ABLIM2: variants seen among roughly 807,000 people sequenced by gnomAD.
ABLIM2 encodes actin-binding LIM protein 2.
A neutral mutation model predicts 97.7 loss-of-function variants in ABLIM2; 53 were observed. The observed-to-expected ratio is 0.54, with a 90% confidence interval of 0.44 to 0.68. The LOEUF (loss-of-function observed/expected upper bound fraction) is 0.68, where lower values mean the gene tolerates loss of function less well. Among genes scored for constraint, ABLIM2 ranks in the 30% least tolerant of loss-of-function variants. The pLI is 0.00. For synonymous variants in ABLIM2, 361 were observed against 345.8 expected (o/e 1.04, Z -0.49); for missense variants, 835 against 867.2 (o/e 0.96, Z 0.47).
intron 4 of ABLIM2, among the ~76,000 whole-genome samples, chr4:8,084,547 G>A (rs1282894336): frequency 6.6e-6 from 1 of 152,188 alleles, no homozygotes; most frequent in Non-Finnish European, 1.5e-5. Flanking sequence ...GAAGAGTGGA[G>A]GACCCCAAAG....
At position 8,046,990 on chromosome 4, in the gene ABLIM2, G is replaced by A. The variant is rs1016125324; in HGVS notation, c.823-1749C>T. On this transcript the variant is annotated intron_variant, in intron 8 of 20. Coordinates refer to ENST00000447017, the MANE Select transcript of ABLIM2 (RefSeq NM_001130083.2). This position sits in a 1 kb window ranked among gnomAD's most constrained non-coding sequence, Gnocchi z 4.4. Reference sequence around the variant, plus strand: ...TTCTGCTGTGCAGGCCACCCAGGCCGGGTGCCTTTATCGGGGAAGCCCCAG... The same window carrying A: ...TTCTGCTGTGCAGGCCACCCAGGCCAGGTGCCTTTATCGGGGAAGCCCCAG... Among the ~76,000 whole-genome samples, 25 of 152,316 alleles carry A rather than the reference G, an allele frequency of 1.6e-4. No individual in the cohort carries two copies. Among genetic ancestry groups the A allele is most frequent in the African/African-American group, 5.8e-4 (24 of 41,568 alleles).
intron 1 of ABLIM2, among the ~76,000 whole-genome samples, chr4:8,152,331 A>G (rs919179851): frequency 3.3e-5 from 5 of 151,198 alleles, no homozygotes; most frequent in Non-Finnish European, 7.4e-5. Context: ...TTTACAAATC[A>G]CGTGACACCA....
At position 8,019,077 on chromosome 4, in the gene ABLIM2, C is replaced by T. The variant is rs559352313; in HGVS notation, c.1423+541G>A. On this transcript the variant is annotated intron_variant, in intron 14 of 20. Coordinates refer to ENST00000447017, the MANE Select transcript of ABLIM2 (RefSeq NM_001130083.2). The surrounding 1 kb of genome is among the most constrained non-coding windows in gnomAD (Gnocchi z 4.3). ...CCTGCGCACCTCCCAGGCAGGTTCA[C>T]GTGGAGCAGAGCTGGGCGTCAGCTC... Among the ~76,000 whole-genome samples, 17 of 152,318 alleles carry T rather than the reference C, an allele frequency of 1.1e-4. No homozygotes were observed. Among genetic ancestry groups the T allele is most frequent in the South Asian group, 8.3e-4 (4 of 4,826 alleles).
At position 8,158,528 on chromosome 4, in the gene ABLIM2, C is replaced by T. The variant is rs1716175970; in HGVS notation, c.10+152G>A. 2.0e-5 allele frequency among the ~76,000 whole-genome samples: 3 copies of T among 152,154 alleles called. No homozygotes were observed. The South Asian group carries it at 6.2e-4, about 31-fold the overall frequency. On this transcript the variant is annotated intron_variant, in intron 1 of 20. Transcript: ENST00000447017. ...AGGGCAGAGGGCTGCGCTCTGGCCC[C>T]TCGGGGCTGCAAAATCCTGGAGCAA...
intron 20 of ABLIM2, among the ~76,000 whole-genome samples, chr4:7,978,309 G>C (rs116032308): frequency 0.01 from 1,564 of 152,276 alleles, 42 homozygotes; most frequent in African/African-American, 0.036. Flanking sequence ...GGAGGAAGGA[G>C]GACTAGGGTC....
Position 8,044,540 on chromosome 4 carries a change from C to G in ABLIM2, c.900+624G>C, listed in dbSNP as rs977828187. ...TATTAAATAGAATAATCTCCCATCTCGAATCCCACCACCCAGAGGAAATTT... is the reference window on the plus strand; with the variant it reads ...TATTAAATAGAATAATCTCCCATCTGGAATCCCACCACCCAGAGGAAATTT... On this transcript the variant is annotated intron_variant, in intron 9 of 20. Coordinates refer to ENST00000447017, the MANE Select transcript of ABLIM2 (RefSeq NM_001130083.2). This position sits in a 1 kb window ranked among gnomAD's most constrained non-coding sequence, Gnocchi z 4.4. Among the ~76,000 whole-genome samples, 7 of 151,794 alleles carry G rather than the reference C, an allele frequency of 4.6e-5. No homozygotes were observed. The highest frequency in any genetic ancestry group is 1.7e-4 in the African/African-American group (7 of 41,294).
At chr4:7,969,656 T>G (rs1725984074) in intron 20 of ABLIM2, among the ~76,000 whole-genome samples, 1 of 151,600 alleles carries the variant, frequency 6.6e-6, no homozygotes, top group Admixed American at 6.6e-5. Flanking sequence ...GAGGAGGGAC[T>G]CAGGAAATCC....
At position 8,100,090 on chromosome 4, in the gene ABLIM2, G is replaced by A. The variant is rs568431604; in HGVS notation, c.155-2808C>T. ...CGAGAAACAGGCAGGAGAGGGTGGC[G>A]GCTGGGGGGAAAAGATGAATCAACA... is the stretch of plus-strand genomic sequence containing the variant. On this transcript the variant is annotated intron_variant, in intron 2 of 20. Coordinates refer to ENST00000447017, the MANE Select transcript of ABLIM2 (RefSeq NM_001130083.2). Among the ~76,000 whole-genome samples, 13 of 152,260 alleles carry A rather than the reference G, an allele frequency of 8.5e-5. 1 individual carries two copies. In the South Asian group the frequency reaches 1.7e-3, roughly 19 times the overall value.
rs891081253 is a variant in ABLIM2, at chr4:7,992,623, C to T, written c.1680+243G>A. Among the ~76,000 whole-genome samples, 2 of 152,160 alleles carry T rather than the reference C, an allele frequency of 1.3e-5. No homozygotes were observed. The highest frequency in any genetic ancestry group is 2.9e-5 in the Non-Finnish European group (2 of 68,020). On this transcript the variant is annotated intron_variant, in intron 17 of 20. Coordinates refer to ENST00000447017, the MANE Select transcript of ABLIM2 (RefSeq NM_001130083.2). This position sits in a 1 kb window ranked among gnomAD's most constrained non-coding sequence, Gnocchi z 5.7. Reference sequence around the variant, plus strand: ...CTCCCCTGCTCCCACACACTGAGCTCTCCCTGGGGTCGGGGGCAGGGAGGC... The same window carrying T: ...CTCCCCTGCTCCCACACACTGAGCTTTCCCTGGGGTCGGGGGCAGGGAGGC...
At chr4:8,007,706 T>C in intron 16 of ABLIM2, 3 of 1,049,770 alleles carry the variant, frequency 2.9e-6, no homozygotes, top group Non-Finnish European at 3.4e-6. Flanking sequence ...CATGCCCATG[T>C]CTGCTCTGGA....
rs1743781243 is a variant in ABLIM2 at position 7,986,105 on chromosome 4, A to G, written c.1681-1212T>C. ...CCCCAGCACCTGGAACGGGGTCTCA[A>G]ACGGGGTCAGGGCTCTCGGCCAGTG... On this transcript the variant is annotated intron_variant, in intron 17 of 20. Coordinates refer to ENST00000447017, the MANE Select transcript of ABLIM2 (RefSeq NM_001130083.2). The surrounding 1 kb of genome is among the most constrained non-coding windows in gnomAD (Gnocchi z 4.3). Among the ~76,000 whole-genome samples the G allele has an allele frequency of 1.3e-5, 2 of 152,228 alleles. No homozygotes were observed. The highest frequency in any genetic ancestry group is 2.4e-5 in the African/African-American group (1 of 41,458).
chr4:8,027,842 A>C lies in ABLIM2; in HGVS notation c.1184T>G (p.Val395Gly). Residue 395 changes from valine to glycine, a missense_variant, in exon 12 of 21, where the codon GTG (valine) becomes GGG (glycine). Coordinates refer to ENST00000447017, the MANE Select transcript of ABLIM2 (RefSeq NM_001130083.2). ...CAGGGAGAGGCAGCTACTGGTACCC[A>C]CACTCACAGTACCAGCTACGGGGTA... Reference protein sequence around the residue: ...HYSRPAGTVSVGTSSCLSLSQ... With the variant: ...HYSRPAGTVSGGTSSCLSLSQ... 4 of 1,596,026 alleles carry C rather than the reference A, an allele frequency of 2.5e-6. No individual in the cohort carries two copies. Among genetic ancestry groups the C allele is most frequent in the Non-Finnish European group, 3.4e-6 (4 of 1,172,040 alleles).
intron 1 of ABLIM2, among the ~76,000 whole-genome samples, chr4:8,157,705 G>A (rs1268843026): frequency 2.6e-5 from 4 of 152,270 alleles, no homozygotes; most frequent in African/African-American, 7.2e-5. Flanking sequence ...ATGGCCAAGG[G>A]CCATACTGCA....
rs1774027355 is a variant in ABLIM2, at chr4:8,021,961, C to T, written c.1268-1658G>A. On this transcript the variant is annotated intron_variant, in intron 12 of 20. Coordinates refer to ENST00000447017, the MANE Select transcript of ABLIM2 (RefSeq NM_001130083.2). The surrounding 1 kb of genome is among the most constrained non-coding windows in gnomAD (Gnocchi z 5.5). ...TGGCACCCTTGCTGGTCAGGTCACG[C>T]TCGTCAGGATGCTCCACGGTGGACT... is the stretch of plus-strand genomic sequence containing the variant. Among the ~76,000 whole-genome samples, 1 of 152,162 alleles carries T rather than the reference C, an allele frequency of 6.6e-6. No homozygotes were observed. Among genetic ancestry groups the T allele is most frequent in the South Asian group, 2.1e-4 (1 of 4,828 alleles).
rs898623437 is a variant in ABLIM2 at position 7,966,579 on chromosome 4, G to A, written c.*411C>T. 8 of 175,086 alleles carry A rather than the reference G, an allele frequency of 4.6e-5. No homozygotes were observed. The highest frequency in any genetic ancestry group is 9.7e-5 in the Non-Finnish European group (8 of 82,382). The allele number at this position is 175,086 out of a possible 1,614,324, so 10.8% of individuals were successfully genotyped here. On this transcript the variant is annotated 3_prime_UTR_variant, in exon 21 of 21. Coordinates refer to ENST00000447017, the MANE Select transcript of ABLIM2 (RefSeq NM_001130083.2). The stretch of plus-strand genomic sequence containing the variant: ...GAAGGGCCGTGTGCCCACCCCCGAT[G>A]ATGGTGTCAGCAACCATCATCAACA...
chr4:8,126,744 C>T (rs1848145707), intron 1 of ABLIM2, among the ~76,000 whole-genome samples: 1 of 152,066 alleles, frequency 6.6e-6, no homozygotes, highest in Non-Finnish European at 1.5e-5. Context: ...ATGCCAGAGG[C>T]ACACCCTCCT....
Position 7,967,113 on chromosome 4 carries a change from A to G in ABLIM2, c.1825-10T>C. On this transcript the variant is annotated splice_polypyrimidine_tract_variant and intron_variant, in intron 20 of 20. Transcript: ENST00000447017. ...CGGGCGACAAGTGTCTCTTCAAACA[A>G]AAAGGCAAAACAGAAGGGACCAGTT... The G allele has an allele frequency of 1.9e-6, 3 of 1,611,686 alleles. No individual in the cohort carries two copies. Among genetic ancestry groups the G allele is most frequent in the Non-Finnish European group, 2.5e-6 (3 of 1,178,622 alleles).
intron 1 of ABLIM2, among the ~76,000 whole-genome samples, chr4:8,152,285 G>A (rs568395694): frequency 6.6e-6 from 1 of 152,364 alleles, no homozygotes; most frequent in African/African-American, 2.4e-5. Context: ...TTGCGGCTGA[G>A]TCGGGCACAC....
intron 17 of ABLIM2, among the ~76,000 whole-genome samples, chr4:7,990,724 C>T (rs1033644654): frequency 4.6e-5 from 7 of 152,104 alleles, no homozygotes; most frequent in African/African-American, 1.7e-4. Flanking sequence ...AGGGCATCTC[C>T]AGGGGAAGGT....
Sources: gnomAD v4.1 joint callset for allele counts (sites outside exome capture counted in the v4.1 genomes callset) on GRCh38, gnomAD v4.1.1 for gene constraint, Gnocchi (gnomAD v3.1) non-coding constraint, MANE v1.5 for transcripts, NCBI Gene and HGNC (gene_info 2026-07-23, HGNC 2026-07-21) for gene names.